Variants in ARMH4 observed in about 807,000 individuals in gnomAD.
ARMH4 encodes armadillo-like helical domain-containing protein 4.
A neutral mutation model predicts 61.9 loss-of-function variants in ARMH4; 49 were observed. The ratio of observed to expected loss-of-function variants is 0.79; its 90% CI spans 0.63 to 1.00. ARMH4 has a LOEUF of 1.00. Among genes scored for constraint, ARMH4 ranks in the 50% least tolerant of loss-of-function variants. ARMH4 has a pLI of 0.00. For missense variants in ARMH4, 934 were observed against 930.0 expected (o/e 1.00, Z -0.06); for synonymous variants, 368 against 341.5 (o/e 1.08, Z -0.85).
chr14:58,042,617 G>A (rs1883768145), intron 5 of ARMH4, among the ~76,000 whole-genome samples: 2 of 152,198 alleles, frequency 1.3e-5, no homozygotes, highest in East Asian at 1.9e-4. Flanking sequence ...AACTGAAGGA[G>A]ATAGAGACAC....
intron 4 of ARMH4, among the ~76,000 whole-genome samples, chr14:58,125,353 G>T (rs1886865460): frequency 6.6e-6 from 1 of 152,078 alleles, no homozygotes; most frequent in African/African-American, 2.4e-5. Context: ...CTAACCAATA[G>T]AAATTACTTA....
At chr14:58,062,391 G>C (rs1006696129) in intron 5 of ARMH4, among the ~76,000 whole-genome samples, 1 of 152,168 alleles carries the variant, frequency 6.6e-6, no homozygotes, top group African/African-American at 2.4e-5. Context: ...AGTGCTATTA[G>C]ATTCCAACAC....
chr14:58,043,030 G>A (rs970886749), intron 5 of ARMH4, among the ~76,000 whole-genome samples: 4 of 152,180 alleles, frequency 2.6e-5, no homozygotes, highest in African/African-American at 9.6e-5. Context: ...CAGGTACAAG[G>A]AGGAGGTGGT....
At chr14:58,040,686 G>T (rs1458900598) in intron 5 of ARMH4, among the ~76,000 whole-genome samples, 1 of 152,006 alleles carries the variant, frequency 6.6e-6, no homozygotes, top group East Asian at 1.9e-4. Flanking sequence ...ACCCAGTAAT[G>T]GAATTGCTGG....
chr14:58,133,406 G>A, intron 2 of ARMH4, 65 bp from the exon 3 acceptor site: 1 of 1,411,020 alleles, frequency 7.1e-7, no homozygotes, highest in Non-Finnish European at 9.6e-7. Context: ...AAAAAATCAT[G>A]ATATGATTAA....
chr14:58,016,493 T>C lies in ARMH4; in HGVS notation c.2090-4343A>G, dbSNP rs1444311492. The stretch of plus-strand genomic sequence containing the variant: ...ATTAATTGGGTAGTAGAATTATCGA[T>C]GATTTGTCTTTTATTCTCTGTATTT... On this transcript the variant is annotated intron_variant, in intron 5 of 7. Coordinates refer to ENST00000267485, the MANE Select transcript of ARMH4 (RefSeq NM_001001872.4). 3.9e-5 allele frequency among the ~76,000 whole-genome samples: 6 copies of C among 152,202 alleles called. No individual in the cohort carries two copies. The East Asian group carries it at 1.2e-3, about 29-fold the overall frequency.
At chr14:58,075,081 A>G (rs1213707113) in intron 5 of ARMH4, among the ~76,000 whole-genome samples, 1 of 152,232 alleles carries the variant, frequency 6.6e-6, no homozygotes, top group Non-Finnish European at 1.5e-5. Flanking sequence ...AATGGCGATC[A>G]TTAAAAAGTC....
chr14:58,006,398 G>A (rs1882170830), intron 6 of ARMH4, among the ~76,000 whole-genome samples: 1 of 152,154 alleles, frequency 6.6e-6, no homozygotes, highest in African/African-American at 2.4e-5. Flanking sequence ...GCAGGACAGA[G>A]GATAAAAGTT....
chr14:58,100,155 T>A (rs1885912838), intron 4 of ARMH4, among the ~76,000 whole-genome samples: 1 of 152,196 alleles, frequency 6.6e-6, no homozygotes, highest in South Asian at 2.1e-4. Flanking sequence ...GGGTAGGGGA[T>A]CTTTATATTT....
Position 58,048,593 on chromosome 14 carries a change from G to T in ARMH4, c.2090-36443C>A, listed in dbSNP as rs111248104. ...CTTGTCTGCTTCTGGAGAGAACTTGGTACTTTTTCTAATAGAAGAGCAATT... is the reference window on the plus strand; with the variant it reads ...CTTGTCTGCTTCTGGAGAGAACTTGTTACTTTTTCTAATAGAAGAGCAATT... On this transcript the variant is annotated intron_variant, in intron 5 of 7. Coordinates refer to ENST00000267485, the MANE Select transcript of ARMH4 (RefSeq NM_001001872.4). Among the ~76,000 whole-genome samples the T allele has an allele frequency of 6.2e-3, 946 of 152,176 alleles. 15 individuals carry two copies. Among genetic ancestry groups the T allele is most frequent in the African/African-American group, 0.021 (878 of 41,508 alleles).
rs1402951534 is a variant in ARMH4, at chr14:58,037,027, C to G, written c.2090-24877G>C. On this transcript the variant is annotated intron_variant, in intron 5 of 7. Transcript: ENST00000267485. The stretch of plus-strand genomic sequence containing the variant: ...TCCCCATCAAGCTACCAATGACTTT[C>G]TTCACAGAATTGGAAAAAACTACTT... Among the ~76,000 whole-genome samples, 381 of 94,310 alleles carry G rather than the reference C, an allele frequency of 4.0e-3. 16 individuals are homozygous for G. The highest frequency in any genetic ancestry group is 0.014 in the African/African-American group (363 of 26,208). 61.9% of individuals were successfully genotyped at this position (94,310 alleles called of 152,430 possible).
rs767667599 is a variant in ARMH4 at position 58,025,379 on chromosome 14, T to C, written c.2090-13229A>G. Among the ~76,000 whole-genome samples the C allele has an allele frequency of 3.5e-4, 53 of 152,304 alleles. 1 individual carries two copies. The highest frequency in any genetic ancestry group is 4.1e-4 in the South Asian group (2 of 4,830). On this transcript the variant is annotated intron_variant, in intron 5 of 7. Transcript: ENST00000267485. The stretch of plus-strand genomic sequence containing the variant: ...TAGGTTCCCATTGAATTTTGAGTTA[T>C]AAATATAGTCTCTTTAATAGAAAAA...
intron 5 of ARMH4, among the ~76,000 whole-genome samples, chr14:58,026,633 G>T (rs1322504256): frequency 6.6e-6 from 1 of 152,134 alleles, no homozygotes; most frequent in Admixed American, 6.5e-5. Context: ...TTGCTTACCA[G>T]ATCTGCTGAA....
At chr14:58,148,845 T>C (rs1442959768) in intron 1 of ARMH4, among the ~76,000 whole-genome samples, 2 of 128,828 alleles carry the variant, frequency 1.6e-5, no homozygotes, top group African/African-American at 3.0e-5. Context: ...TCAGAGTTTA[T>C]TACACACACA....
chr14:58,049,387 C>T (rs1884060746), intron 5 of ARMH4, among the ~76,000 whole-genome samples: 1 of 152,162 alleles, frequency 6.6e-6, no homozygotes, highest in African/African-American at 2.4e-5. Flanking sequence ...TACTGTCTTC[C>T]TGTCTGTGTC....
At chr14:58,100,185 A>G (rs376545912) in intron 4 of ARMH4, among the ~76,000 whole-genome samples, 1 of 152,172 alleles carries the variant, frequency 6.6e-6, no homozygotes, top group African/African-American at 2.4e-5. Context: ...TCGGTCAAAT[A>G]AAAAAACTGG....
At position 58,135,100 on chromosome 14, in the gene ARMH4, A is replaced by T. The variant is rs188606970; in HGVS notation, c.1370-1759T>A. Among the ~76,000 whole-genome samples the T allele has an allele frequency of 1.2e-3, 176 of 152,146 alleles. 3 individuals are homozygous for T. The East Asian group carries it at 0.024, about 21-fold the overall frequency. On this transcript the variant is annotated intron_variant, in intron 2 of 7. Coordinates refer to ENST00000267485, the MANE Select transcript of ARMH4 (RefSeq NM_001001872.4). Reference sequence around the variant, plus strand: ...ACTATAAGCAGTTCCTTTTCTTGGTACTCATCCAGTTAACACTATTTTTCC... The same window carrying T: ...ACTATAAGCAGTTCCTTTTCTTGGTTCTCATCCAGTTAACACTATTTTTCC...
intron 5 of ARMH4, among the ~76,000 whole-genome samples, chr14:58,031,091 G>A (rs1256774159): frequency 6.6e-6 from 1 of 152,154 alleles, no homozygotes; most frequent in African/African-American, 2.4e-5. Context: ...TAGGTACCAG[G>A]TACTGGGCCA....
rs113916527 is a variant in ARMH4, at chr14:58,026,058, C to T, written c.2090-13908G>A. Among the ~76,000 whole-genome samples the T allele has an allele frequency of 3.0e-3, 451 of 151,720 alleles. 3 individuals carry two copies. The highest frequency in any genetic ancestry group is 0.01 in the African/African-American group (429 of 41,398). ...ACCTAGTGGGAAGATGCAAAGAGAA[C>T]GTCCTGCAATCAACTGTACATCCTG... On this transcript the variant is annotated intron_variant, in intron 5 of 7. Transcript: ENST00000267485.
Sources: gnomAD v4.1 joint callset for allele counts (sites outside exome capture counted in the v4.1 genomes callset) on GRCh38, gnomAD v4.1.1 for gene constraint, MANE v1.5 for transcripts, NCBI Gene and HGNC (gene_info 2026-07-23, HGNC 2026-07-21) for gene names.